Variants in DMXL2 observed in about 807,000 individuals in gnomAD.
DMXL2 encodes Dmx like 2.
DMXL2 carries 103 observed loss-of-function variants against 331.1 expected under a neutral mutation model. That is an observed-to-expected ratio of 0.31 (90% CI 0.27 to 0.37). The LOEUF (loss-of-function observed/expected upper bound fraction) is 0.37, where lower values mean the gene tolerates loss of function less well. DMXL2 is among the 10% of genes least tolerant of loss of function. The pLI, the probability that DMXL2 is intolerant of heterozygous loss-of-function variation, is 1.00. For missense variants in DMXL2, 3,171 were observed against 3,642.9 expected, an observed-to-expected ratio of 0.87 and a Z score of 3.33; for synonymous variants, 1,281 against 1,252.1, an observed-to-expected ratio of 1.02 and a Z score of -0.49.
rs200924115 is a variant in DMXL2 at position 51,458,742 on chromosome 15, T to A, written c.8043A>T (p.Glu2681Asp). Residue 2681 changes from glutamate to aspartate, a missense_variant, in exon 35 of 44, where the codon GAA (glutamate) becomes GAT (aspartate). Coordinates refer to ENST00000560891, the MANE Select transcript of DMXL2 (RefSeq NM_001378457.1). ...PGGKAKVIHK[E>D]SDMIMAFSVN... ...CAGAAAATGCCATGATCATATCAGA[T>A]TCCTTATGGATGACTTTCGCCTTTC... 1.3e-4 allele frequency: 211 copies of A among 1,613,938 alleles called. No individual in the cohort carries two copies. The highest frequency in any genetic ancestry group is 1.7e-4 in the Non-Finnish European group (198 of 1,179,944).
In DMXL2 at chr15:51,622,719, T is replaced by C. The variant is rs181268091; in HGVS notation, c.-174A>G. The C allele has an allele frequency of 5.7e-4, 739 of 1,292,312 alleles. 7 individuals carry two copies. In the African/African-American group the frequency reaches 0.01, roughly 18 times the overall value. The allele number at this position is 1,292,312 out of a possible 1,614,324, so 80.1% of individuals were successfully genotyped here. ...CCTTCCCTCCGCCTCGTCCCTGCCA[T>C]GGGAGCTCCTCGACCGCCGCCGCCG... On this transcript the variant is annotated 5_prime_UTR_variant, in exon 1 of 44. It removes an upstream start codon present in the reference 5' UTR. Coordinates refer to ENST00000560891, the MANE Select transcript of DMXL2 (RefSeq NM_001378457.1).
At chr15:51,617,397 C>A (rs1326019556) in intron 1 of DMXL2, among the ~76,000 whole-genome samples, 2 of 152,166 alleles carry the variant, frequency 1.3e-5, no homozygotes, top group Non-Finnish European at 2.9e-5. Flanking sequence ...AATCAAGAGG[C>A]TTCTCCTCAG....
At position 51,448,888 on chromosome 15, in the gene DMXL2, C is replaced by CTGTT. The variant is rs1443574465; in HGVS notation, c.*92_*95dup. The CTGTT allele has an allele frequency of 8.1e-7, 1 of 1,235,268 alleles. No individual in the cohort carries two copies. Among genetic ancestry groups the CTGTT allele is most frequent in the Non-Finnish European group, 1.1e-6 (1 of 875,130 alleles). The allele number at this position is 1,235,268 out of a possible 1,614,324, so 76.5% of individuals were successfully genotyped here. Reference sequence around the variant, plus strand: ...TATTCAAATTCTACACAGAGATTCTCTGTTTTCAATACAACTGCTTAGAAA... The same window carrying CTGTT: ...TATTCAAATTCTACACAGAGATTCTCTGTTTGTTTTCAATACAACTGCTTAGAAA... On this transcript the variant is annotated 3_prime_UTR_variant, in exon 44 of 44. Coordinates refer to ENST00000560891, the MANE Select transcript of DMXL2 (RefSeq NM_001378457.1).
chr15:51,600,430 G>C (rs1016571857), intron 1 of DMXL2, among the ~76,000 whole-genome samples: 1 of 152,154 alleles, frequency 6.6e-6, no homozygotes, highest in African/African-American at 2.4e-5. Flanking sequence ...TAGGAAACTT[G>C]CTTGGTTAAG....
At chr15:51,586,184 A>G (rs908735241) in intron 1 of DMXL2, among the ~76,000 whole-genome samples, 3 of 152,218 alleles carry the variant, frequency 2.0e-5, no homozygotes, top group East Asian at 1.9e-4. Flanking sequence ...ACCTAAGTCA[A>G]TGATGAGTAC....
Position 51,600,512 on chromosome 15 carries a change from T to C in DMXL2, c.87+21947A>G, listed in dbSNP as rs540993021. Among the ~76,000 whole-genome samples the C allele has an allele frequency of 3.9e-5, 6 of 152,332 alleles. 1 individual carries two copies. The South Asian group carries it at 1.2e-3, about 32-fold the overall frequency. ...CTTTCATCCCATCCACTGGTTGCAC[T>C]TGCGTGTCCTAGGTGGCACCCCTCT... On this transcript the variant is annotated intron_variant, in intron 1 of 43. Coordinates refer to ENST00000560891, the MANE Select transcript of DMXL2 (RefSeq NM_001378457.1).
Position 51,538,439 on chromosome 15 carries a change from G to C in DMXL2, c.1119C>G (p.Val373=). ...SINPATDIPN[V]LVGTAFNVDD... ...CAACATTAAATGCAGTGCCAACCAA[G>C]ACATTTGGAATATCTGTGGAAATAA... Residue 373 remains valine (V), a synonymous_variant, in exon 10 of 44, where the codon GTC becomes GTG. Coordinates refer to ENST00000560891, the MANE Select transcript of DMXL2 (RefSeq NM_001378457.1). The C allele has an allele frequency of 3.1e-6, 5 of 1,601,572 alleles. No individual in the cohort carries two copies. Among genetic ancestry groups the C allele is most frequent in the Non-Finnish European group, 4.3e-6 (5 of 1,173,186 alleles).
At position 51,538,403 on chromosome 15, in the gene DMXL2, A is replaced by G. The variant is rs567321411; in HGVS notation, c.1155T>C (p.Asn385=). The G allele has an allele frequency of 4.7e-5, 75 of 1,612,642 alleles. No homozygotes were observed. In the South Asian group the frequency reaches 7.6e-4, roughly 16 times the overall value. The change falls in exon 10 of 44, where the codon AAT becomes AAC. Residue 385 remains asparagine (N), a synonymous_variant. Transcript: ENST00000560891. The part of the protein sequence containing the change: ...VGTAFNVDDG[N]GGFVVHWLNN... Reference sequence around the variant, plus strand: ...TTAACCAATGAACTACAAAGCCCCCATTTCCATCATCAACATTAAATGCAG... The same window carrying G: ...TTAACCAATGAACTACAAAGCCCCCGTTTCCATCATCAACATTAAATGCAG...
intron 1 of DMXL2, among the ~76,000 whole-genome samples, chr15:51,585,852 TG>T (rs1226137830): frequency 3.9e-5 from 6 of 152,214 alleles, no homozygotes; most frequent in Admixed American, 6.5e-5. Flanking sequence ...TTCATATTAT[TG>T]GTCCATTTGT....
Position 51,612,190 on chromosome 15 carries a change from G to A in DMXL2, c.87+10269C>T, listed in dbSNP as rs144112959. 5.8e-4 allele frequency among the ~76,000 whole-genome samples: 89 copies of A among 152,254 alleles called. No individual in the cohort carries two copies. The East Asian group carries it at 7.1e-3, about 12-fold the overall frequency. On this transcript the variant is annotated intron_variant, in intron 1 of 43. Transcript: ENST00000560891. The stretch of plus-strand genomic sequence containing the variant: ...ATTTGTAAAGCAGACTTAATTTCAC[G>A]TACCAATTTAATATACAAGATAAAT...
rs947074434 is a variant in DMXL2 at position 51,602,204 on chromosome 15, T to C, written c.87+20255A>G. ...TTACTGAACTAAGTTAGGCCTGGAC[T>C]GTCAGGCCTAAACCAAGCAGCAAAA... On this transcript the variant is annotated intron_variant, in intron 1 of 43. Transcript: ENST00000560891. Among the ~76,000 whole-genome samples the C allele has an allele frequency of 2.0e-5, 3 of 152,186 alleles. No homozygotes were observed. The East Asian group carries it at 5.8e-4, about 29-fold the overall frequency.
chr15:51,503,213 C>A (rs2043808495), intron 16 of DMXL2, among the ~76,000 whole-genome samples, 180 bp from the exon 17 acceptor site: 1 of 152,154 alleles, frequency 6.6e-6, no homozygotes, highest in Non-Finnish European at 1.5e-5. Context: ...AGCAATCTCA[C>A]TACTAGGTGT....
chr15:51,622,245 C>A (rs1276096722), intron 1 of DMXL2, among the ~76,000 whole-genome samples: 1 of 152,130 alleles, frequency 6.6e-6, no homozygotes, highest in Non-Finnish European at 1.5e-5. Flanking sequence ...GATTCCTAAG[C>A]CTTTCCCCTA....
At chr15:51,459,776 A>G (rs887079848) in intron 33 of DMXL2, 116 bp from the exon 34 acceptor site, 11 of 1,211,304 alleles carry the variant, frequency 9.1e-6, no homozygotes, top group Middle Eastern at 2.3e-4. Context: ...GATAAAAATG[A>G]ATTTGCAAAA....
chr15:51,466,727 T>C (rs1414253633), intron 29 of DMXL2, among the ~76,000 whole-genome samples: 1 of 151,998 alleles, frequency 6.6e-6, no homozygotes, highest in Non-Finnish European at 1.5e-5. Context: ...AGGACTGAAA[T>C]GTGTAAAAAC....
At chr15:51,506,465 T>C (rs1426454489) in intron 16 of DMXL2, among the ~76,000 whole-genome samples, 1 of 148,316 alleles carries the variant, frequency 6.7e-6, no homozygotes, top group Non-Finnish European at 1.5e-5. Flanking sequence ...TTTTTTTTTT[T>C]TTTTTTGAGA....
rs74665193 is a variant in DMXL2 at position 51,550,963 on chromosome 15, T to C, written c.568-3555A>G. Among the ~76,000 whole-genome samples, 339 of 152,226 alleles carry C rather than the reference T, an allele frequency of 2.2e-3. 4 individuals are homozygous for C. The highest frequency in any genetic ancestry group is 7.9e-3 in the African/African-American group (329 of 41,550). On this transcript the variant is annotated intron_variant, in intron 6 of 43. Transcript: ENST00000560891. ...GTAATATTAAAAATCCTGGAAGTAA[T>C]TGAATTTGAGTCTCACAACACCTGA...
chr15:51,511,741 G>C (rs2046766779), intron 15 of DMXL2, among the ~76,000 whole-genome samples: 1 of 152,192 alleles, frequency 6.6e-6, no homozygotes, highest in South Asian at 2.1e-4. Flanking sequence ...ACATGCACAT[G>C]TATGTTTATC....
intron 9 of DMXL2, among the ~76,000 whole-genome samples, chr15:51,540,585 T>C (rs2048537711): frequency 6.6e-6 from 1 of 152,030 alleles, no homozygotes; most frequent in Non-Finnish European, 1.5e-5. Flanking sequence ...CGGTAAGTGG[T>C]ATATGGATAT....
Sources: allele counts gnomAD v4.1 joint callset (sites outside exome capture counted in the v4.1 genomes callset), GRCh38; gene constraint gnomAD v4.1.1; transcripts MANE v1.5; gene names NCBI Gene and HGNC (gene_info 2026-07-23, HGNC 2026-07-21).